ZFYVE9: variants seen among roughly 807,000 people sequenced by gnomAD.
ZFYVE9 encodes zinc finger FYVE domain-containing protein 9.
In ZFYVE9, 43 loss-of-function variants were observed where a neutral mutation model predicts 126.7. That is an observed-to-expected ratio of 0.34 (90% CI 0.27 to 0.44). ZFYVE9 has a LOEUF of 0.44. ZFYVE9 is among the 20% of genes least tolerant of loss of function. The pLI is 1.00. For synonymous variants in ZFYVE9, 521 were observed against 597.4 expected, an observed-to-expected ratio of 0.87 and a Z score of 1.87; for missense variants, 1,476 against 1,697.0, an observed-to-expected ratio of 0.87 and a Z score of 2.29.
intron 4 of ZFYVE9, among the ~76,000 whole-genome samples, chr1:52,261,666 G>A (rs1379225574): frequency 6.6e-6 from 1 of 152,188 alleles, no homozygotes; most frequent in Non-Finnish European, 1.5e-5. Flanking sequence ...TTCAGTCTTT[G>A]TTTGGAAGAT....
intron 1 of ZFYVE9, among the ~76,000 whole-genome samples, chr1:52,145,433 T>C (rs1644297635): frequency 6.6e-6 from 1 of 152,226 alleles, no homozygotes; most frequent in South Asian, 2.1e-4. Flanking sequence ...CTTATGTTCC[T>C]AAAGATATGG....
intron 4 of ZFYVE9, among the ~76,000 whole-genome samples, chr1:52,258,472 GC>G (rs1251452766): frequency 7.1e-6 from 1 of 141,448 alleles, no homozygotes; most frequent in Non-Finnish European, 1.6e-5. Context: ...ATCTTGCTAT[GC>G]CCAGGACAGT....
Position 52,142,693 on chromosome 1 carries a change from G to A in ZFYVE9, c.-143+290G>A, listed in dbSNP as rs1644269992. On this transcript the variant is annotated intron_variant, in intron 1 of 18. Coordinates refer to ENST00000287727, the MANE Select transcript of ZFYVE9 (RefSeq NM_004799.4). The surrounding 1 kb of genome is among the most constrained non-coding windows in gnomAD (Gnocchi z 4.5). The stretch of plus-strand genomic sequence containing the variant: ...AGGAGCACGGCCGCCTTTCGGGTTT[G>A]CATGGGCCCGGGCCGAGCGCAGCCT... Among the ~76,000 whole-genome samples, 1 of 152,160 alleles carries A rather than the reference G, an allele frequency of 6.6e-6. No homozygotes were observed. The highest frequency in any genetic ancestry group is 2.4e-5 in the African/African-American group (1 of 41,460).
chr1:52,266,479 A>C (rs1645635208), intron 5 of ZFYVE9, among the ~76,000 whole-genome samples, 176 bp from the exon 6 acceptor site: 1 of 151,752 alleles, frequency 6.6e-6, no homozygotes, highest in East Asian at 1.9e-4. Context: ...TACTTGGCTA[A>C]ATGGTCTCCT....
chr1:52,283,488 C>T (rs1645824793), intron 10 of ZFYVE9, among the ~76,000 whole-genome samples: 1 of 152,122 alleles, frequency 6.6e-6, no homozygotes, highest in South Asian at 2.1e-4. Flanking sequence ...TCAGGATAAG[C>T]AAATGTATAT....
At chr1:52,301,982 A>C (rs899994829) in intron 12 of ZFYVE9, among the ~76,000 whole-genome samples, 1 of 152,168 alleles carries the variant, frequency 6.6e-6, no homozygotes, top group African/African-American at 2.4e-5. Flanking sequence ...ATCTCAATCA[A>C]ATACTTTGAT....
At chr1:52,178,972 T>A (rs1273162906) in intron 1 of ZFYVE9, among the ~76,000 whole-genome samples, 1 of 152,076 alleles carries the variant, frequency 6.6e-6, no homozygotes, top group Non-Finnish European at 1.5e-5. Context: ...GCCTGGCTAA[T>A]TTTTTTGTTT....
intron 12 of ZFYVE9, among the ~76,000 whole-genome samples, chr1:52,298,227 C>A (rs189994188): frequency 0.013 from 1,958 of 152,168 alleles, 170 homozygotes; most frequent in Admixed American, 0.12. Flanking sequence ...CATTGCCTAG[C>A]CCAATATTGT....
At chr1:52,318,636 T>G (rs1037180648) in intron 13 of ZFYVE9, among the ~76,000 whole-genome samples, 4 of 151,934 alleles carry the variant, frequency 2.6e-5, no homozygotes, top group Admixed American at 6.6e-5. Context: ...AAAAAAAGAC[T>G]GTCGGTATTC....
chr1:52,197,781 G>A (rs1024903500), intron 1 of ZFYVE9, among the ~76,000 whole-genome samples: 12 of 152,188 alleles, frequency 7.9e-5, no homozygotes, highest in African/African-American at 2.9e-4. Flanking sequence ...AACAAGAATG[G>A]TGGGGAAGCC....
intron 1 of ZFYVE9, among the ~76,000 whole-genome samples, chr1:52,181,181 T>C (rs1644698127): frequency 6.6e-6 from 1 of 151,990 alleles, no homozygotes. Context: ...GCAACCTCCC[T>C]GCCTGATTCT....
chr1:52,187,719 C>A (rs532381682), intron 1 of ZFYVE9, among the ~76,000 whole-genome samples: 1 of 152,306 alleles, frequency 6.6e-6, no homozygotes, highest in Non-Finnish European at 1.5e-5. Context: ...CATCACTGAT[C>A]ATTAGAGAAA....
chr1:52,176,936 T>TG (rs1644637911), intron 1 of ZFYVE9, among the ~76,000 whole-genome samples: 2 of 152,158 alleles, frequency 1.3e-5, no homozygotes, highest in South Asian at 4.1e-4. Flanking sequence ...CCTGACTCCT[T>TG]GCGCTTCCCG....
intron 1 of ZFYVE9, among the ~76,000 whole-genome samples, chr1:52,175,350 C>T (rs1083303): frequency 4.2e-4 from 63 of 151,334 alleles, no homozygotes; most frequent in African/African-American, 1.0e-3. Flanking sequence ...TCTTCTGGCT[C>T]GTAGAGTTTC....
intron 2 of ZFYVE9, among the ~76,000 whole-genome samples, chr1:52,225,633 TG>T (rs1346115417): frequency 2.6e-5 from 4 of 152,074 alleles, no homozygotes; most frequent in Admixed American, 1.3e-4. Context: ...GTGTGATTTG[TG>T]AAGGGGTGGC....
chr1:52,323,083 T>C (rs1227073136), intron 13 of ZFYVE9, among the ~76,000 whole-genome samples: 3 of 152,082 alleles, frequency 2.0e-5, no homozygotes, highest in Admixed American at 6.6e-5. Flanking sequence ...GGACTACAGG[T>C]GTGAGCCACC....
At chr1:52,243,602 T>C (rs986094012) in intron 4 of ZFYVE9, among the ~76,000 whole-genome samples, 2 of 150,322 alleles carry the variant, frequency 1.3e-5, no homozygotes, top group African/African-American at 5.0e-5. Flanking sequence ...AACTCCAGTA[T>C]AGTGAACGAG....
rs1387753668 is a variant in ZFYVE9, at chr1:52,184,533, A to G, written c.-142-31836A>G. ...ATTTCTGGGATTACAGGTGTGAGCC[A>G]CCGCATCTGGCCAGGAAAATAATTT... On this transcript the variant is annotated intron_variant, in intron 1 of 18. Coordinates refer to ENST00000287727, the MANE Select transcript of ZFYVE9 (RefSeq NM_004799.4). Among the ~76,000 whole-genome samples, 7 of 128,454 alleles carry G rather than the reference A, an allele frequency of 5.4e-5. No homozygotes were observed. In the East Asian group the frequency reaches 1.7e-3, roughly 32 times the overall value. 84.3% of individuals were successfully genotyped at this position (128,454 alleles called of 152,430 possible).
intron 13 of ZFYVE9, among the ~76,000 whole-genome samples, chr1:52,315,319 T>C (rs1646174154): frequency 1.3e-5 from 2 of 152,092 alleles, no homozygotes; most frequent in Non-Finnish European, 2.9e-5. Context: ...TCCTAGCTAC[T>C]CTCTAGGCTG....
Sources: gnomAD v4.1 joint callset for allele counts (sites outside exome capture counted in the v4.1 genomes callset) on GRCh38, gnomAD v4.1.1 for gene constraint, Gnocchi (gnomAD v3.1) non-coding constraint, MANE v1.5 for transcripts, NCBI Gene and HGNC (gene_info 2026-07-23, HGNC 2026-07-21) for gene names.